GRIK3: variants seen among roughly 807,000 people sequenced by gnomAD.
The protein encoded by GRIK3 is glutamate receptor ionotropic, kainate 3.
GRIK3 carries 29 observed loss-of-function variants against 102.5 expected under a neutral mutation model. The observed-to-expected ratio is 0.28, with a 90% CI of 0.21 to 0.39. The LOEUF is 0.39. GRIK3 is among the 10% of genes least tolerant of loss of function. The pLI is 1.00. For synonymous variants in GRIK3, 511 were observed against 504.9 expected, an observed-to-expected ratio of 1.01 and a Z score of -0.16; for missense variants, 908 against 1,252.4, an observed-to-expected ratio of 0.73 and a Z score of 4.15.
chr1:37,004,968 C>T (rs1192633248), intron 1 of GRIK3, among the ~76,000 whole-genome samples: 1 of 152,210 alleles, frequency 6.6e-6, no homozygotes, highest in Non-Finnish European at 1.5e-5. Flanking sequence ...TAACTAGGCC[C>T]CTGGGTGTGA....
At chr1:36,924,496 G>C (rs956908499) in intron 1 of GRIK3, among the ~76,000 whole-genome samples, 3 of 152,268 alleles carry the variant, frequency 2.0e-5, no homozygotes, top group East Asian at 1.9e-4. Flanking sequence ...GGAGAGGGGA[G>C]GGGGAGTGGG....
chr1:37,029,198 G>A (rs377525694), intron 1 of GRIK3, among the ~76,000 whole-genome samples: 6 of 152,320 alleles, frequency 3.9e-5, no homozygotes, highest in African/African-American at 9.6e-5. Flanking sequence ...CATCAGCTCC[G>A]TTTCCATACC....
intron 1 of GRIK3, among the ~76,000 whole-genome samples, chr1:37,018,032 C>T (rs975729083): frequency 6.6e-5 from 10 of 152,202 alleles, no homozygotes; most frequent in African/African-American, 2.2e-4. Context: ...CTGATTGCCT[C>T]ACTTCTCCTT....
intron 2 of GRIK3, among the ~76,000 whole-genome samples, chr1:36,886,903 A>G (rs1231607555): frequency 1.3e-5 from 2 of 152,176 alleles, no homozygotes; most frequent in African/African-American, 4.8e-5. Context: ...TGTGAGGTTC[A>G]CCTATGATGT....
Position 36,800,498 on chromosome 1 carries a change from C to T in GRIK3, c.*1353G>A, listed in dbSNP as rs1247664731. 3.3e-5 allele frequency: 5 copies of T among 152,356 alleles called. No individual in the cohort carries two copies. The East Asian group carries it at 5.8e-4, about 18-fold the overall frequency. The allele number at this position is 152,356 out of a possible 1,614,324, so 9.4% of individuals were successfully genotyped here. On this transcript the variant is annotated 3_prime_UTR_variant, in exon 16 of 16. Transcript: ENST00000373091. The stretch of plus-strand genomic sequence containing the variant: ...CTGCTGCTACTTCTCTGCTGTCTTC[C>T]CCAAGCCCCACAATGCCATAGCTGC...
intron 7 of GRIK3, among the ~76,000 whole-genome samples, chr1:36,855,545 A>G (rs1640642212): frequency 1.3e-5 from 2 of 152,358 alleles, no homozygotes; most frequent in African/African-American, 4.8e-5. Context: ...ATAAAACCAA[A>G]GTGGTTAGAA....
At chr1:36,891,370 A>G (rs1033739557) in intron 1 of GRIK3, among the ~76,000 whole-genome samples, 1 of 152,236 alleles carries the variant, frequency 6.6e-6, no homozygotes, top group Non-Finnish European at 1.5e-5. Flanking sequence ...AAAATTCTCA[A>G]TAGAATTATA....
intron 1 of GRIK3, among the ~76,000 whole-genome samples, chr1:36,902,641 A>G (rs561470686): frequency 7.2e-5 from 11 of 152,350 alleles, no homozygotes; most frequent in African/African-American, 2.2e-4. Context: ...TGGGTTTGGC[A>G]ATGGCTTTTT....
Position 36,800,789 on chromosome 1 carries a change from G to T in GRIK3, c.*1062C>A, listed in dbSNP as rs1253418561. The T allele has an allele frequency of 2.0e-5, 3 of 152,176 alleles. No homozygotes were observed. The highest frequency in any genetic ancestry group is 4.4e-5 in the Non-Finnish European group (3 of 68,050). 9.4% of individuals were successfully genotyped at this position (152,176 alleles called of 1,614,324 possible). On this transcript the variant is annotated 3_prime_UTR_variant, in exon 16 of 16. Transcript: ENST00000373091. ...GACACTAACTCCTTTTTTGAGGAGG[G>T]ACAACTTGACTTTCACTTCAACCAA...
At chr1:36,981,037 A>C (rs761863195) in intron 1 of GRIK3, among the ~76,000 whole-genome samples, 15 of 152,352 alleles carry the variant, frequency 9.8e-5, no homozygotes, top group Middle Eastern at 3.4e-3. Flanking sequence ...ACCAGCACTA[A>C]GTGTTTTACG....
chr1:36,945,252 G>A (rs536373703), intron 1 of GRIK3, among the ~76,000 whole-genome samples: 123 of 152,358 alleles, frequency 8.1e-4, no homozygotes, highest in Non-Finnish European at 1.3e-3. Context: ...GATAAACAGT[G>A]GAATCACAGC....
intron 1 of GRIK3, among the ~76,000 whole-genome samples, chr1:37,033,346 C>T (rs1443527211): frequency 6.6e-6 from 1 of 152,196 alleles, no homozygotes; most frequent in South Asian, 2.1e-4. Context: ...CTTCCCTCTA[C>T]CTGCACTGCC....
At chr1:36,851,798 G>T (rs1178771282) in intron 8 of GRIK3, among the ~76,000 whole-genome samples, 4 of 152,252 alleles carry the variant, frequency 2.6e-5, no homozygotes, top group Admixed American at 2.6e-4. Context: ...TGAACCAGCT[G>T]CCTGGAGGGC....
intron 2 of GRIK3, among the ~76,000 whole-genome samples, chr1:36,888,888 C>T (rs542021683): frequency 6.6e-6 from 1 of 152,210 alleles, no homozygotes; most frequent in South Asian, 2.1e-4. Flanking sequence ...TATGACCTAG[C>T]TTCCTTGGGC....
At chr1:37,030,549 C>CT in intron 1 of GRIK3, among the ~76,000 whole-genome samples, 1 of 89,166 alleles carries the variant, frequency 1.1e-5, no homozygotes, top group African/African-American at 7.7e-5. Context: ...CCCACCCCCT[C>CT]CCCCCCCCCA....
At chr1:36,919,460 C>T (rs1182295670) in intron 1 of GRIK3, among the ~76,000 whole-genome samples, 7 of 151,548 alleles carry the variant, frequency 4.6e-5, no homozygotes, top group East Asian at 1.9e-4. Flanking sequence ...CATGCTGGTG[C>T]GCTGCTTTAA....
rs496691 is a variant in GRIK3 at position 36,996,522 on chromosome 1, C to T, written c.115+37472G>A. On this transcript the variant is annotated intron_variant, in intron 1 of 15. Transcript: ENST00000373091. ...GGGGCAGCTGACCTGCAGGTCCTAA[C>T]CAGAGGACAGGGCTACTCAAAGAGA... 2.0e-5 allele frequency among the ~76,000 whole-genome samples: 3 copies of T among 152,238 alleles called. No individual in the cohort carries two copies. The South Asian group carries it at 6.2e-4, about 32-fold the overall frequency.
At chr1:36,993,738 G>T (rs941195804) in intron 1 of GRIK3, among the ~76,000 whole-genome samples, 2 of 152,172 alleles carry the variant, frequency 1.3e-5, no homozygotes, top group African/African-American at 4.8e-5. Flanking sequence ...TTTTAGGATT[G>T]CCTCAGCTAA....
chr1:36,929,442 T>C (rs1176731125), intron 1 of GRIK3, among the ~76,000 whole-genome samples: 1 of 152,216 alleles, frequency 6.6e-6, no homozygotes, highest in Non-Finnish European at 1.5e-5. Context: ...AGTACATTGG[T>C]AAAAATCAAA....
Sources: allele counts gnomAD v4.1 joint callset (sites outside exome capture counted in the v4.1 genomes callset), GRCh38; gene constraint gnomAD v4.1.1; transcripts MANE v1.5; gene names NCBI Gene and HGNC (gene_info 2026-07-23, HGNC 2026-07-21).